THSD7A: variants seen among roughly 807,000 people sequenced by gnomAD.
THSD7A encodes the protein thrombospondin type-1 domain-containing protein 7A.
A neutral mutation model predicts 231.3 loss-of-function variants in THSD7A; 96 were observed. The observed-to-expected ratio is 0.41, with a 90% CI of 0.35 to 0.49. The LOEUF (loss-of-function observed/expected upper bound fraction) is 0.49, where lower values mean the gene tolerates loss of function less well. Ranked by LOEUF, THSD7A falls within the 20% of genes least tolerant of loss-of-function variation. The pLI is 0.05. For missense variants in THSD7A, 2,290 were observed against 2,070.2 expected, an observed-to-expected ratio of 1.11 and a Z score of -2.06; for synonymous variants, 940 against 743.3, an observed-to-expected ratio of 1.26 and a Z score of -4.30.
intron 6 of THSD7A, among the ~76,000 whole-genome samples, chr7:11,518,218 T>A (rs1159270602): frequency 6.6e-6 from 1 of 152,152 alleles, no homozygotes; most frequent in Admixed American, 6.5e-5. Context: ...GACACAGGCA[T>A]GTACACAATT....
intron 1 of THSD7A, among the ~76,000 whole-genome samples, chr7:11,681,050 A>G (rs534974492): frequency 2.6e-5 from 4 of 152,228 alleles, no homozygotes; most frequent in African/African-American, 7.2e-5. Context: ...TGTCCTTTGC[A>G]GGGACATGGA....
At chr7:11,740,254 C>T (rs975361611) in intron 1 of THSD7A, among the ~76,000 whole-genome samples, 17 of 151,822 alleles carry the variant, frequency 1.1e-4, no homozygotes, top group African/African-American at 3.4e-4. Context: ...CCATGATGGC[C>T]GGGACAAAAT....
intron 1 of THSD7A, chr7:11,751,136 C>A (rs552700681): frequency 6.6e-6 from 1 of 152,240 alleles, no homozygotes; most frequent in African/African-American, 2.4e-5. Context: ...GTCTTTCTTA[C>A]TTTCTCAGAA....
At chr7:11,567,483 C>T (rs1256096306) in intron 4 of THSD7A, among the ~76,000 whole-genome samples, 1 of 152,134 alleles carries the variant, frequency 6.6e-6, no homozygotes, top group Non-Finnish European at 1.5e-5. Context: ...CGAAGCCTAA[C>T]CATATCATTC....
intron 22 of THSD7A, among the ~76,000 whole-genome samples, chr7:11,402,293 G>A (rs568984654): frequency 6.6e-6 from 1 of 152,240 alleles, no homozygotes; most frequent in South Asian, 2.1e-4. Flanking sequence ...TATCATTCTT[G>A]TCATTATCAT....
At chr7:11,554,900 T>C (rs1789782125) in intron 4 of THSD7A, among the ~76,000 whole-genome samples, 2 of 151,944 alleles carry the variant, frequency 1.3e-5, no homozygotes, top group African/African-American at 4.8e-5. Context: ...TCAGGTTGTC[T>C]GAGGTATTCC....
chr7:11,508,753 T>C (rs192521789), intron 6 of THSD7A, among the ~76,000 whole-genome samples: 6 of 152,336 alleles, frequency 3.9e-5, no homozygotes, highest in Admixed American at 1.3e-4. Flanking sequence ...TGGAATAACA[T>C]TCAGCCTTAA....
At chr7:11,529,020 G>A (rs1788592391) in intron 6 of THSD7A, among the ~76,000 whole-genome samples, 1 of 152,174 alleles carries the variant, frequency 6.6e-6, no homozygotes, top group African/African-American at 2.4e-5. Flanking sequence ...TCAGTAGCTT[G>A]TTGTCTTCTA....
At chr7:11,390,754 G>A (rs988280548) in intron 23 of THSD7A, among the ~76,000 whole-genome samples, 1 of 152,110 alleles carries the variant, frequency 6.6e-6, no homozygotes, top group Non-Finnish European at 1.5e-5. Flanking sequence ...GTTTGATTTT[G>A]GTGACCTTCG....
chr7:11,575,185 C>A (rs1404129263), intron 4 of THSD7A, among the ~76,000 whole-genome samples: 2 of 152,156 alleles, frequency 1.3e-5, no homozygotes, highest in East Asian at 3.8e-4. Context: ...ATTACTACTT[C>A]AAATTAACGC....
chr7:11,672,120 A>G (rs955730812), intron 1 of THSD7A, among the ~76,000 whole-genome samples: 7 of 152,278 alleles, frequency 4.6e-5, no homozygotes, highest in Non-Finnish European at 1.0e-4. Flanking sequence ...CATAGTTGAC[A>G]TCACAACTTT....
chr7:11,471,592 T>C (rs569322545), intron 8 of THSD7A, among the ~76,000 whole-genome samples: 1 of 152,162 alleles, frequency 6.6e-6, no homozygotes, highest in Admixed American at 6.6e-5. Flanking sequence ...AGTGTTTATT[T>C]GGAAGTGGAT....
In THSD7A at chr7:11,543,108, G is replaced by A; in HGVS notation, c.1463C>T (p.Pro488Leu). The A allele has an allele frequency of 1.2e-6, 2 of 1,609,468 alleles. No homozygotes were observed. Among genetic ancestry groups the A allele is most frequent in the African/African-American group, 1.3e-5 (1 of 74,864 alleles). ...TCCAGTGCATAATTTTAAGTCCATT[G>A]GCTTTGAGGCTAGAGAAAAATACAG... ...STHKNKEASK[P>L]MDLKLCTGPI... Residue 488 changes from proline (P) to leucine (L), a missense_variant, in exon 5 of 28, where the codon CCA (proline) becomes CTA (leucine). By Grantham distance (98) the Pro-to-Leu change is moderately conservative (BLOSUM62 -3). Transcript: ENST00000423059.
chr7:11,488,555 C>A (rs1487859183), intron 6 of THSD7A, among the ~76,000 whole-genome samples: 1 of 152,046 alleles, frequency 6.6e-6, no homozygotes, highest in Non-Finnish European at 1.5e-5. Flanking sequence ...CAATTTTAAT[C>A]CCTGCATTAT....
intron 1 of THSD7A, among the ~76,000 whole-genome samples, chr7:11,694,654 T>C (rs1367476954): frequency 1.3e-5 from 2 of 151,516 alleles, no homozygotes; most frequent in African/African-American, 2.4e-5. Context: ...ATACAATTCA[T>C]AGCAATCAGA....
At chr7:11,611,319 G>A (rs150887044) in intron 2 of THSD7A, among the ~76,000 whole-genome samples, 1 of 152,012 alleles carries the variant, frequency 6.6e-6, no homozygotes, top group African/African-American at 2.4e-5. Flanking sequence ...TTCATTTTGG[G>A]AAGGGAAGAT....
In THSD7A at chr7:11,632,016, T is replaced by C. The variant is rs886944277; in HGVS notation, c.1022+4114A>G. ...ATTGGTAAACAGTTCCTTACATTGA[T>C]ATAAAATTTCTGTAAATGATGAGTG... is the stretch of plus-strand genomic sequence containing the variant. On this transcript the variant is annotated intron_variant, in intron 2 of 27. Transcript: ENST00000423059. This position sits in a 1 kb window ranked among gnomAD's most constrained non-coding sequence, Gnocchi z 4.1. Among the ~76,000 whole-genome samples, 1 of 152,186 alleles carries C rather than the reference T, an allele frequency of 6.6e-6. No individual in the cohort carries two copies. Among genetic ancestry groups the C allele is most frequent in the African/African-American group, 2.4e-5 (1 of 41,450 alleles).
At chr7:11,397,876 T>C (rs952606659) in intron 23 of THSD7A, among the ~76,000 whole-genome samples, 3 of 152,110 alleles carry the variant, frequency 2.0e-5, no homozygotes, top group Non-Finnish European at 2.9e-5. Flanking sequence ...ATTAGAATAG[T>C]GATCATTTAA....
chr7:11,741,205 G>A (rs1004612419), intron 1 of THSD7A, among the ~76,000 whole-genome samples: 9 of 151,998 alleles, frequency 5.9e-5, no homozygotes, highest in East Asian at 3.9e-4. Flanking sequence ...TTTTCCTCCC[G>A]AAGGTAAAAA....
Sources: gnomAD v4.1 joint callset for allele counts (sites outside exome capture counted in the v4.1 genomes callset) on GRCh38, gnomAD v4.1.1 for gene constraint, Gnocchi (gnomAD v3.1) non-coding constraint, MANE v1.5 for transcripts, NCBI Gene and HGNC (gene_info 2026-07-23, HGNC 2026-07-21) for gene names.